GALC: variants seen among roughly 807,000 people sequenced by gnomAD.
GALC encodes galactosylceramidase, also known as galactocerebrosidase.
In GALC, 77 loss-of-function variants were observed where a neutral mutation model predicts 91.8. The ratio of observed to expected loss-of-function variants is 0.84; its 90% confidence interval spans 0.70 to 1.01. The LOEUF (loss-of-function observed/expected upper bound fraction) is 1.01. Ranked by LOEUF, GALC falls within the 50% of genes least tolerant of loss-of-function variation. The pLI is 0.00. For missense variants in GALC, 882 were observed against 855.9 expected (o/e 1.03, Z -0.38); for synonymous variants, 357 against 306.7 (o/e 1.16, Z -1.71).
chr14:87,964,064 C>T (rs796609554), intron 9 of GALC, among the ~76,000 whole-genome samples: 37 of 151,842 alleles, frequency 2.4e-4, no homozygotes, highest in Admixed American at 2.0e-4. Context: ...ACATTCAAGG[C>T]GCTGATATAC....
intron 13 of GALC, among the ~76,000 whole-genome samples, chr14:87,946,077 T>C (rs1486106532): frequency 1.3e-5 from 2 of 152,008 alleles, no homozygotes; most frequent in African/African-American, 4.8e-5. Context: ...CTAAAGTTTC[T>C]TCATTTCCAG....
intron 8 of GALC, among the ~76,000 whole-genome samples, chr14:87,966,976 G>A (rs920314853): frequency 5.9e-5 from 9 of 152,132 alleles, no homozygotes; most frequent in Non-Finnish European, 8.8e-5. Context: ...TGACTAGATG[G>A]ACAGAATACC....
At position 87,933,959 on chromosome 14, in the gene GALC, C is replaced by A; in HGVS notation, c.*773G>T. ...GATGAGGCTGAGGAAACGACTACAA[C>A]AGCATTGGCTATATCAGGTTTTCTT... On this transcript the variant is annotated 3_prime_UTR_variant, in exon 17 of 17. Coordinates refer to ENST00000261304, the MANE Select transcript of GALC (RefSeq NM_000153.4). 1 of 1,530,084 alleles carries A rather than the reference C, an allele frequency of 6.5e-7. No individual in the cohort carries two copies. The highest frequency in any genetic ancestry group is 8.8e-7 in the Non-Finnish European group (1 of 1,141,892). The allele number at this position is 1,530,084 out of a possible 1,614,324, so 94.8% of individuals were successfully genotyped here. A position where few individuals can be genotyped will look rare whatever the true frequency, so the allele number is the denominator to read the frequency against.
At chr14:87,955,037 T>C (rs1885465825) in intron 10 of GALC, 8 of 1,350,778 alleles carry the variant, frequency 5.9e-6, no homozygotes, top group African/African-American at 1.4e-5. Flanking sequence ...GGGATGGTCA[T>C]GGCAGACCTG....
rs779864190 is a variant in GALC, at chr14:87,939,958, C to T, written c.1858G>A (p.Gly620Arg). Residue 620 changes from glycine (G) to arginine (R), a missense_variant, in exon 16 of 17, where the codon GGA becomes AGA. Coordinates refer to ENST00000261304, the MANE Select transcript of GALC (RefSeq NM_000153.4). ...TTTTTTGCTGTAACTTCAACACGTC[C>T]TAAAGCATATATAATCCATCCAGCT... ...DLAGWIIYAL[G>R]RVEVTAKKWY... The T allele has an allele frequency of 1.9e-6, 3 of 1,610,540 alleles. No individual in the cohort carries two copies. In the South Asian group the frequency reaches 3.3e-5, roughly 18 times the overall value.
At chr14:87,942,557 AAAAG>A (rs1884906845) in intron 14 of GALC, among the ~76,000 whole-genome samples, 1 of 152,032 alleles carries the variant, frequency 6.6e-6, no homozygotes, top group Non-Finnish European at 1.5e-5. Flanking sequence ...AGTGGGAAGA[AAAAG>A]AAAGCCTGCA....
chr14:87,954,001 T>C (rs753791012), intron 10 of GALC: 3 of 1,609,264 alleles, frequency 1.9e-6, no homozygotes, highest in Admixed American at 1.7e-5. Flanking sequence ...GGAGATATAA[T>C]TTTACTCGCA....
In GALC at chr14:87,984,408, T is replaced by A; in HGVS notation, c.568A>T (p.Ile190Phe). Residue 190 changes from isoleucine (I) to phenylalanine (F), a missense_variant, in exon 5 of 17, where the codon ATT (isoleucine) becomes TTT (phenylalanine). Physicochemically the swap from Ile to Phe is conservative, Grantham distance 21. Transcript: ENST00000261304. Reference protein sequence around the residue: ...VGAKRYHDLDIDYIGIWNERS... With the variant: ...VGAKRYHDLDFDYIGIWNERS... ...ATATTACTAACTCCAATATAATCAA[T>A]GTCCAAATCATGGTAACGCTTGGCG... 1 of 1,613,808 alleles carries A rather than the reference T, an allele frequency of 6.2e-7. No individual in the cohort carries two copies. The highest frequency in any genetic ancestry group is 1.7e-4 in the Middle Eastern group (1 of 6,060).
chr14:87,965,531 A>C lies in GALC; in HGVS notation c.1007T>G (p.Val336Gly). ...TGATACCCAGACAGGAGATTCTACC[A>C]CGTAGTGCCCACTCCATGGCTCCTG... is the stretch of plus-strand genomic sequence containing the variant. ...TAQEPWSGHY[V>G]VESPVWVSAH... The change falls in exon 9 of 17, where the codon GTG becomes GGG. Residue 336 changes from valine (V) to glycine (G), a missense_variant. Coordinates refer to ENST00000261304, the MANE Select transcript of GALC (RefSeq NM_000153.4). 1.2e-6 allele frequency: 2 copies of C among 1,613,550 alleles called. No homozygotes were observed. The highest frequency in any genetic ancestry group is 1.7e-6 in the Non-Finnish European group (2 of 1,179,638).
At chr14:87,975,953 T>C (rs954683212) in intron 7 of GALC, among the ~76,000 whole-genome samples, 2 of 152,198 alleles carry the variant, frequency 1.3e-5, no homozygotes, top group South Asian at 2.1e-4. Context: ...ACAAAAGTTA[T>C]TGTCAGTGAT....
In GALC at chr14:87,976,455, G is replaced by A; in HGVS notation, c.655C>T (p.Gln219Ter). 1 of 1,613,122 alleles carries A rather than the reference G, an allele frequency of 6.2e-7. No homozygotes were observed. Reference sequence around the variant, plus strand: ...TCACTTGCTATGATTTTCACTCGCTGGAGACCTTGATAATTCAGCATTTTT... The same window carrying A: ...TCACTTGCTATGATTTTCACTCGCTAGAGACCTTGATAATTCAGCATTTTT... ...LRKMLNYQGL[Q>*]RVKIIASDNL... is the part of the protein sequence containing the mutation. Residue 219 changes from glutamine to a stop codon, truncating the protein, a stop_gained, in exon 7 of 17, where the codon CAG becomes TAG. Coordinates refer to ENST00000261304, the MANE Select transcript of GALC (RefSeq NM_000153.4). LOFTEE classifies it high-confidence loss of function.
At position 87,950,758 on chromosome 14, in the gene GALC, A is replaced by G. The variant is rs1368917874; in HGVS notation, c.1162-10T>C. On this transcript the variant is annotated splice_polypyrimidine_tract_variant and intron_variant, in intron 10 of 16. Transcript: ENST00000261304. ...TAGAATGTTTATGACTCTGAAAAAA[A>G]AAAATCACATACATTATCCAAATGA... The G allele has an allele frequency of 1.9e-6, 3 of 1,559,232 alleles. No individual in the cohort carries two copies.
intron 7 of GALC, among the ~76,000 whole-genome samples, chr14:87,973,612 G>A (rs550576152): frequency 6.6e-6 from 1 of 152,242 alleles, no homozygotes; most frequent in South Asian, 2.1e-4. Flanking sequence ...GGGAGAAAAA[G>A]GGAGGAAGAA....
At chr14:87,985,707 T>C (rs999570510) in intron 4 of GALC, among the ~76,000 whole-genome samples, 3 of 152,252 alleles carry the variant, frequency 2.0e-5, no homozygotes, top group African/African-American at 7.2e-5. Context: ...TAATTTCATT[T>C]AACTTAGTTT....
At chr14:87,983,480 T>C (rs1378632070) in intron 5 of GALC, among the ~76,000 whole-genome samples, 1 of 152,230 alleles carries the variant, frequency 6.6e-6, no homozygotes, top group Non-Finnish European at 1.5e-5. Context: ...TGTTCCAGCA[T>C]CTACTTCTCT....
chr14:87,937,018 G>C (rs1340748296), intron 16 of GALC, among the ~76,000 whole-genome samples: 1 of 150,740 alleles, frequency 6.6e-6, no homozygotes, highest in Non-Finnish European at 1.5e-5. Flanking sequence ...GTAGAATATA[G>C]TAGACTTCAA....
chr14:87,948,019 C>T (rs995625466), intron 12 of GALC, 141 bp from the exon 13 acceptor site: 4 of 702,712 alleles, frequency 5.7e-6, no homozygotes, highest in Middle Eastern at 3.0e-4. Context: ...GGAAAACTCA[C>T]CAATATCAAG....
At chr14:87,943,945 TC>T (rs1884965665) in intron 14 of GALC, among the ~76,000 whole-genome samples, 3 of 152,102 alleles carry the variant, frequency 2.0e-5, no homozygotes, top group Admixed American at 6.5e-5. Flanking sequence ...CACTGCATCT[TC>T]CTGAGCAGGG....
At chr14:87,992,711 T>A in intron 1 of GALC, 1 of 1,431,490 alleles carries the variant, frequency 7.0e-7, no homozygotes, top group Non-Finnish European at 9.1e-7. Context: ...CACTTTACTC[T>A]CTGCACCTAT....
Sources: allele counts gnomAD v4.1 joint callset (sites outside exome capture counted in the v4.1 genomes callset), GRCh38; gene constraint gnomAD v4.1.1; transcripts MANE v1.5; gene names NCBI Gene and HGNC (gene_info 2026-07-23, HGNC 2026-07-21).